The following C8B variants were observed in gnomAD, a reference collection of about 807,000 sequenced individuals.
The protein encoded by C8B is complement component C8 beta chain.
A neutral mutation model predicts 64.6 loss-of-function variants in C8B; 67 were observed. The observed-to-expected ratio is 1.04, with a 90% CI of 0.85 to 1.27. The LOEUF (loss-of-function observed/expected upper bound fraction) is 1.27. Ranked by LOEUF, C8B falls within the 50% of genes most tolerant of loss-of-function variation. C8B has a pLI of 0.00. For synonymous variants in C8B, 284 were observed against 257.7 expected (o/e 1.10, Z -0.98); for missense variants, 790 against 725.2 (o/e 1.09, Z -1.03).
intron 7 of C8B, among the ~76,000 whole-genome samples, chr1:56,945,431 G>C (rs1369187346): frequency 6.6e-6 from 1 of 152,302 alleles, no homozygotes; most frequent in Non-Finnish European, 1.5e-5. Flanking sequence ...GAGAAAGAAA[G>C]TCAAAAGTTC....
At position 56,931,826 on chromosome 1, in the gene C8B, C is replaced by T. The variant is rs777124688; in HGVS notation, c.1605G>A (p.Glu535=). 2.5e-6 allele frequency: 4 copies of T among 1,611,140 alleles called. No individual in the cohort carries two copies. The highest frequency in any genetic ancestry group is 1.6e-4 in the Middle Eastern group (1 of 6,068). Reference sequence around the variant, plus strand: ...TTAACTTACTCTTCCGATAGGAGACCTCACAGGCTAGGCCTTGGGATCCAA... The same window carrying T: ...TTAACTTACTCTTCCGATAGGAGACTTCACAGGCTAGGCCTTGGGATCCAA... ...CPVGSQGLAC[E]VSYRKNTPID... is the part of the protein sequence containing the mutation. Residue 535 remains glutamate, a synonymous_variant, in exon 11 of 12, where the codon GAG becomes GAA. Transcript: ENST00000371237.
intron 9 of C8B, among the ~76,000 whole-genome samples, chr1:56,939,087 T>TG (rs1239708432): frequency 3.3e-5 from 5 of 152,208 alleles, no homozygotes; most frequent in Non-Finnish European, 1.5e-5. Context: ...AGTGCCCAGG[T>TG]AGGCACATTC....
Position 56,940,719 on chromosome 1 carries a change from T to C in C8B, c.1398+130A>G, listed in dbSNP as rs6669836. ...TATTTATTTCAAATATATTTTCTAC[T>C]ATCGTATATGTGTCCCAAAATTAGG... On this transcript the variant is annotated intron_variant, in intron 9 of 11. Transcript: ENST00000371237. 0.47 allele frequency: 431,566 copies of C among 913,922 alleles called. 104,596 individuals are homozygous for C. Among genetic ancestry groups the C allele is most frequent in the Non-Finnish European group, 0.51 (285,737 of 562,932 alleles). The allele number at this position is 913,922 out of a possible 1,614,324, so 56.6% of individuals were successfully genotyped here. A position where few individuals can be genotyped will look rare whatever the true frequency, so the allele number is the denominator to read the frequency against.
intron 4 of C8B, among the ~76,000 whole-genome samples, chr1:56,954,279 A>T (rs1645067380): frequency 6.6e-6 from 1 of 152,116 alleles, no homozygotes; most frequent in Admixed American, 6.5e-5. Flanking sequence ...CAATGCTGGG[A>T]GATAGGGGCA....
At chr1:56,957,005 G>T (rs552338985) in intron 2 of C8B, 95 bp from the exon 3 acceptor site, 4 of 1,405,230 alleles carry the variant, frequency 2.8e-6, no homozygotes, top group African/African-American at 2.8e-5. Context: ...GCCAGGATTT[G>T]GGCTTCACAA....
At chr1:56,958,472 A>C (rs1235551497) in intron 2 of C8B, among the ~76,000 whole-genome samples, 1 of 152,114 alleles carries the variant, frequency 6.6e-6, no homozygotes, top group East Asian at 1.9e-4. Flanking sequence ...CAGGACAGGG[A>C]CAAGGCTTGC....
At chr1:56,954,155 T>A (rs1294370047) in intron 4 of C8B, among the ~76,000 whole-genome samples, 1 of 152,064 alleles carries the variant, frequency 6.6e-6, no homozygotes, top group Non-Finnish European at 1.5e-5. Flanking sequence ...TGTGGCCCCT[T>A]CTGAACTTGC....
At chr1:56,936,653 G>A (rs890473481) in intron 9 of C8B, among the ~76,000 whole-genome samples, 2 of 149,736 alleles carry the variant, frequency 1.3e-5, no homozygotes, top group Non-Finnish European at 3.0e-5. Context: ...GGAGTGCAAT[G>A]GCATGATCTC....
At chr1:56,949,277 G>A (rs112574440) in intron 6 of C8B, among the ~76,000 whole-genome samples, 8 of 152,222 alleles carry the variant, frequency 5.3e-5, no homozygotes, top group African/African-American at 1.2e-4. Flanking sequence ...GTTAGTTATC[G>A]TAGGAGTGGG....
chr1:56,934,875 A>G (rs1403789432), intron 9 of C8B, among the ~76,000 whole-genome samples: 1 of 152,184 alleles, frequency 6.6e-6, no homozygotes, highest in Non-Finnish European at 1.5e-5. Flanking sequence ...TTGCTCCCAA[A>G]GCACCTTGAA....
At chr1:56,943,933 G>A in intron 7 of C8B, 109 bp from the exon 8 acceptor site, 1 of 1,294,934 alleles carries the variant, frequency 7.7e-7, no homozygotes. Context: ...CAAGGACTCG[G>A]GTTCAAATAA....
chr1:56,937,690 G>A (rs1302350177), intron 9 of C8B, among the ~76,000 whole-genome samples: 1 of 152,094 alleles, frequency 6.6e-6, no homozygotes, highest in African/African-American at 2.4e-5. Context: ...TTTAGTTTAA[G>A]TATATCCCAT....
At chr1:56,954,959 G>T in intron 3 of C8B, 132 bp from the exon 4 acceptor site, 1 of 1,015,824 alleles carries the variant, frequency 9.8e-7, no homozygotes, top group Non-Finnish European at 1.5e-6. Flanking sequence ...TAGTCATCCT[G>T]TATCCAGATA....
At chr1:56,949,785 C>T (rs372282145) in intron 5 of C8B, 33 bp from the exon 6 acceptor site, 710 of 1,486,078 alleles carry the variant, frequency 4.8e-4, no homozygotes, top group Non-Finnish European at 6.0e-4. Context: ...TTTTTTATTT[C>T]ATTTGACTCA....
chr1:56,956,582 C>A (rs1438165000), intron 3 of C8B, among the ~76,000 whole-genome samples, 187 bp downstream of exon 3: 1 of 152,128 alleles, frequency 6.6e-6, no homozygotes, highest in African/African-American at 2.4e-5. Flanking sequence ...AATAATAACA[C>A]CTACATTATA....
intron 3 of C8B, among the ~76,000 whole-genome samples, chr1:56,956,084 C>T (rs939133974): frequency 3.3e-5 from 5 of 151,914 alleles, no homozygotes; most frequent in Middle Eastern, 3.4e-3. Flanking sequence ...TAATTTTTAC[C>T]GGGTATATCA....
At chr1:56,965,062 C>T (rs1386242272) in intron 1 of C8B, among the ~76,000 whole-genome samples, 1 of 152,194 alleles carries the variant, frequency 6.6e-6, no homozygotes, top group African/African-American at 2.4e-5. Flanking sequence ...AGGAGGTACT[C>T]CTCACATAAA....
In C8B at chr1:56,960,119, G is replaced by C. The variant is rs150386354; in HGVS notation, c.150C>G (p.Ser50Arg). Residue 50 changes from serine to arginine, a missense_variant, in exon 2 of 12, where the codon AGC (serine) becomes AGG (arginine). By Grantham distance (110) the Ser-to-Arg change is moderately radical. Coordinates refer to ENST00000371237, the MANE Select transcript of C8B (RefSeq NM_000066.4). ...SNAVNKSFAK[S>R]RQMRSVDVTL... ...TAACATCCACACTCCGCATCTGTCTGCTCTTAGCAAAGCTCTTGTTGACTG... is the reference window on the plus strand; with the variant it reads ...TAACATCCACACTCCGCATCTGTCTCCTCTTAGCAAAGCTCTTGTTGACTG... 292 of 1,614,136 alleles carry C rather than the reference G, an allele frequency of 1.8e-4. No individual in the cohort carries two copies. The African/African-American group carries it at 2.7e-3, about 15-fold the overall frequency.
intron 11 of C8B, among the ~76,000 whole-genome samples, chr1:56,930,215 T>C (rs2101346305): frequency 6.6e-6 from 1 of 152,346 alleles, no homozygotes; most frequent in South Asian, 2.1e-4. Context: ...TTATCTACTG[T>C]GAGCAATGGA....
Sources: allele counts gnomAD v4.1 joint callset (sites outside exome capture counted in the v4.1 genomes callset), GRCh38; gene constraint gnomAD v4.1.1; transcripts MANE v1.5; gene names NCBI Gene and HGNC (gene_info 2026-07-23, HGNC 2026-07-21).